Variants in GAB4 observed in about 807,000 individuals in gnomAD.
GAB4 encodes the protein GRB2 associated binding protein family member 4.
A neutral mutation model predicts 51.3 loss-of-function variants in GAB4; 26 were observed. The ratio of observed to expected loss-of-function variants is 0.51; its 90% confidence interval spans 0.37 to 0.70. GAB4 has a LOEUF of 0.70. Among genes scored for constraint, GAB4 ranks in the 30% least tolerant of loss-of-function variants. The pLI is 0.00. For missense variants in GAB4, 759 were observed against 734.6 expected (o/e 1.03, Z -0.38); for synonymous variants, 329 against 291.2 (o/e 1.13, Z -1.32).
chr22:17,007,648 G>GCTGCGGAGC (rs1368546515), intron 1 of GAB4, among the ~76,000 whole-genome samples: 3 of 152,178 alleles, frequency 2.0e-5, no homozygotes, highest in Non-Finnish European at 4.4e-5. Flanking sequence ...GTTTTGCGAG[G>GCTGCGGAGC]CTGCGGAGCC....
At chr22:16,969,648 G>T in intron 4 of GAB4, 1 of 644,372 alleles carries the variant, frequency 1.6e-6, no homozygotes, top group African/African-American at 1.8e-5. Flanking sequence ...TGCAGGAAGG[G>T]TATTCCGCCT....
intron 4 of GAB4, among the ~76,000 whole-genome samples, chr22:16,969,405 G>A (rs1016223903): frequency 5.3e-5 from 8 of 152,228 alleles, no homozygotes; most frequent in African/African-American, 1.7e-4. Flanking sequence ...GGCCAAGTCT[G>A]CCAGTCTTGC....
At chr22:16,991,314 A>G (rs1378466246) in intron 2 of GAB4, among the ~76,000 whole-genome samples, 2 of 128,324 alleles carry the variant, frequency 1.6e-5, no homozygotes, top group Admixed American at 1.8e-4. Flanking sequence ...CTGCCTCAGG[A>G]AAAAAAAAAA....
At chr22:17,003,247 C>A (rs2061012352) in intron 1 of GAB4, among the ~76,000 whole-genome samples, 1 of 152,152 alleles carries the variant, frequency 6.6e-6, no homozygotes, top group Admixed American at 6.5e-5. Context: ...TTTAACACCC[C>A]ACTGTCAATA....
rs925590201 is a variant in GAB4 at position 16,969,595 on chromosome 22, G to C, written c.937+348C>G. 178 of 537,812 alleles carry C rather than the reference G, an allele frequency of 3.3e-4. 1 individual carries two copies. The highest frequency in any genetic ancestry group is 6.0e-4 in the Admixed American group (18 of 29,858). The allele number at this position is 537,812 out of a possible 1,614,324, so 33.3% of individuals were successfully genotyped here. On this transcript the variant is annotated intron_variant, in intron 4 of 9. Coordinates refer to ENST00000400588, the MANE Select transcript of GAB4 (RefSeq NM_001037814.1). ...ACCTCCCCTCTCCCTCTGGGTCTCAGTGAGGGCTCATACTGACCTTGGTGA... is the reference window on the plus strand; with the variant it reads ...ACCTCCCCTCTCCCTCTGGGTCTCACTGAGGGCTCATACTGACCTTGGTGA...
At chr22:16,976,628 A>G (rs549964215) in intron 3 of GAB4, among the ~76,000 whole-genome samples, 1 of 152,238 alleles carries the variant, frequency 6.6e-6, no homozygotes, top group Non-Finnish European at 1.5e-5. Flanking sequence ...TCCCCAACCT[A>G]GCAAGAGAAG....
intron 2 of GAB4, among the ~76,000 whole-genome samples, 173 bp from the exon 3 acceptor site, chr22:16,988,340 C>T (rs1049862658): frequency 1.3e-5 from 2 of 152,222 alleles, no homozygotes; most frequent in African/African-American, 4.8e-5. Flanking sequence ...GGCTGAGGAG[C>T]AGACGCTCTG....
At chr22:16,979,334 T>C (rs2060807826) in intron 3 of GAB4, among the ~76,000 whole-genome samples, 1 of 152,192 alleles carries the variant, frequency 6.6e-6, no homozygotes, top group African/African-American at 2.4e-5. Context: ...CAGTGAAGTC[T>C]CAGAATAAAA....
intron 1 of GAB4, among the ~76,000 whole-genome samples, chr22:16,993,197 C>T (rs1280839644): frequency 6.6e-6 from 1 of 152,172 alleles, no homozygotes; most frequent in Non-Finnish European, 1.5e-5. Flanking sequence ...TAAAAGACTA[C>T]CCATGGTAGA....
At chr22:16,991,685 G>C (rs528283420) in intron 2 of GAB4, among the ~76,000 whole-genome samples, 188 bp downstream of exon 2, 2 of 152,304 alleles carry the variant, frequency 1.3e-5, no homozygotes, top group South Asian at 4.1e-4. Flanking sequence ...CTCAGGGAAG[G>C]GGGAGAGGTG....
At chr22:17,006,853 A>T (rs1180818011) in intron 1 of GAB4, among the ~76,000 whole-genome samples, 1 of 152,120 alleles carries the variant, frequency 6.6e-6, no homozygotes, top group African/African-American at 2.4e-5. Flanking sequence ...AATGTGGCCT[A>T]TTGGGGTTGG....
chr22:16,998,639 C>A (rs529684879), intron 1 of GAB4, among the ~76,000 whole-genome samples: 6 of 152,306 alleles, frequency 3.9e-5, no homozygotes, highest in Admixed American at 1.3e-4. Flanking sequence ...CCCTTTATTT[C>A]TTTCTCTTGC....
chr22:16,986,875 T>C (rs1421915969), intron 3 of GAB4, among the ~76,000 whole-genome samples: 1 of 152,220 alleles, frequency 6.6e-6, no homozygotes, highest in East Asian at 1.9e-4. Flanking sequence ...GATTGAGTGC[T>C]GGAGCCCCTG....
intron 1 of GAB4, among the ~76,000 whole-genome samples, chr22:17,007,379 G>A (rs538186521): frequency 6.6e-6 from 1 of 152,328 alleles, no homozygotes; most frequent in South Asian, 2.1e-4. Context: ...TGGTGGCATG[G>A]AAGGACGCGA....
chr22:16,980,015 T>C (rs1293859219), intron 3 of GAB4, among the ~76,000 whole-genome samples: 1 of 152,088 alleles, frequency 6.6e-6, no homozygotes, highest in African/African-American at 2.4e-5. Flanking sequence ...TAACTCAAGA[T>C]GGATTACAGA....
intron 4 of GAB4, 72 bp from the exon 5 acceptor site, chr22:16,968,455 G>T: frequency 1.8e-6 from 2 of 1,094,156 alleles, no homozygotes; most frequent in Non-Finnish European, 2.8e-6. Flanking sequence ...GCCCTCCCCA[G>T]TGCTGCTTAG....
chr22:16,999,523 T>G (rs1353514296), intron 1 of GAB4, among the ~76,000 whole-genome samples: 2 of 152,206 alleles, frequency 1.3e-5, no homozygotes, highest in East Asian at 1.9e-4. Flanking sequence ...TATTTGATTC[T>G]TCTCTCTTTT....
At chr22:17,000,228 G>A (rs1408136806) in intron 1 of GAB4, among the ~76,000 whole-genome samples, 2 of 152,152 alleles carry the variant, frequency 1.3e-5, no homozygotes, top group African/African-American at 4.8e-5. Flanking sequence ...TCTGTCTAAT[G>A]TTGACAGTGG....
intron 3 of GAB4, among the ~76,000 whole-genome samples, chr22:16,978,793 G>A (rs1001294990): frequency 1.1e-4 from 16 of 152,102 alleles, no homozygotes; most frequent in African/African-American, 3.9e-4. Flanking sequence ...TAAAATACTG[G>A]CAAATTGAAT....
Sources: allele counts gnomAD v4.1 joint callset (sites outside exome capture counted in the v4.1 genomes callset), GRCh38; gene constraint gnomAD v4.1.1; transcripts MANE v1.5; gene names NCBI Gene and HGNC (gene_info 2026-07-23, HGNC 2026-07-21).